COG7: variants seen among roughly 807,000 people sequenced by gnomAD.
COG7 encodes the protein component of oligomeric golgi complex 7.
In COG7, 49 loss-of-function variants were observed where a neutral mutation model predicts 91.5. That is an observed-to-expected ratio of 0.54 (90% CI 0.43 to 0.68). COG7 has a LOEUF of 0.68. Among genes scored for constraint, COG7 ranks in the 30% least tolerant of loss-of-function variants. The pLI is 0.00. For synonymous variants in COG7, 365 were observed against 388.7 expected (o/e 0.94, Z 0.72); for missense variants, 895 against 961.3 (o/e 0.93, Z 0.91).
Position 23,389,032 on chromosome 16 carries a change from T to A in COG7, c.2201A>T (p.Gln734Leu). ...ALGLQPSRTL[Q>L]HIVTLLKTRP... ...GGTCTTCAGTAGCGTCACGATGTGC[T>A]GGAGGGTGCGGGACGGCTGCAGGCC... Residue 734 changes from glutamine (Q) to leucine (L), a missense_variant, in exon 17 of 17, where the codon CAG (glutamine) becomes CTG (leucine). Coordinates refer to ENST00000307149, the MANE Select transcript of COG7 (RefSeq NM_153603.4). 2 of 1,614,122 alleles carry A rather than the reference T, an allele frequency of 1.2e-6. No homozygotes were observed. Among genetic ancestry groups the A allele is most frequent in the Non-Finnish European group, 1.7e-6 (2 of 1,180,018 alleles).
At chr16:23,410,927 A>G (rs532195818) in intron 10 of COG7, among the ~76,000 whole-genome samples, 1 of 152,204 alleles carries the variant, frequency 6.6e-6, no homozygotes, top group South Asian at 2.1e-4. Context: ...GGCTGGTCTC[A>G]AACTCCCGAC....
At position 23,392,610 on chromosome 16, in the gene COG7, A is replaced by G. The variant is rs961689817; in HGVS notation, c.2003-87T>C. On this transcript the variant is annotated intron_variant, in intron 15 of 16. Transcript: ENST00000307149. ...AAGTACCAGGAAGCTTCTGATCTCA[A>G]TGGCAAACACAGGAAACCGAAAACA... 14 of 1,532,326 alleles carry G rather than the reference A, an allele frequency of 9.1e-6. No individual in the cohort carries two copies. The African/African-American group carries it at 1.8e-4, about 19-fold the overall frequency. The allele number at this position is 1,532,326 out of a possible 1,614,324, so 94.9% of individuals were successfully genotyped here.
At chr16:23,410,865 C>T (rs188219524) in intron 10 of COG7, among the ~76,000 whole-genome samples, 1 of 152,234 alleles carries the variant, frequency 6.6e-6, no homozygotes, top group East Asian at 1.9e-4. Context: ...GCCACCACGC[C>T]TGGCTAATTT....
chr16:23,407,542 T>G (rs1356237421), intron 11 of COG7, among the ~76,000 whole-genome samples: 1 of 152,210 alleles, frequency 6.6e-6, no homozygotes, highest in African/African-American at 2.4e-5. Flanking sequence ...GGAGAGGCCT[T>G]AAGGACCCCA....
chr16:23,389,837 A>G (rs923433132), intron 16 of COG7: 2 of 152,188 alleles, frequency 1.3e-5, no homozygotes, highest in Non-Finnish European at 2.9e-5. Context: ...CATTCTACAA[A>G]GCGACCCCGG....
intron 4 of COG7, among the ~76,000 whole-genome samples, chr16:23,440,348 G>A (rs1483622766): frequency 1.3e-5 from 2 of 150,930 alleles, no homozygotes; most frequent in Non-Finnish European, 2.9e-5. Flanking sequence ...ACTCCACCCT[G>A]GGTGACAGAA....
chr16:23,392,148 G>T, intron 16 of COG7: 1 of 1,418,414 alleles, frequency 7.1e-7, no homozygotes, highest in Non-Finnish European at 9.2e-7. Flanking sequence ...CCCCTCAACG[G>T]TTCTCAAGTC....
intron 15 of COG7, 91 bp from the exon 16 acceptor site, chr16:23,392,614 C>T (rs761618614): frequency 4.6e-6 from 7 of 1,510,724 alleles, no homozygotes; most frequent in Non-Finnish European, 6.4e-6. Context: ...ATCTCAATGG[C>T]AAACACAGGA....
chr16:23,447,835 G>A (rs1207775009), intron 1 of COG7, among the ~76,000 whole-genome samples: 2 of 151,928 alleles, frequency 1.3e-5, no homozygotes, highest in African/African-American at 4.8e-5. Context: ...GGGAGGCGGA[G>A]GTTGCAGTGA....
chr16:23,434,247 C>T (rs1469294266), intron 5 of COG7, among the ~76,000 whole-genome samples: 1 of 152,104 alleles, frequency 6.6e-6, no homozygotes, highest in Non-Finnish European at 1.5e-5. Context: ...TGAATAGTCA[C>T]CGCACTCCAG....
intron 10 of COG7, among the ~76,000 whole-genome samples, chr16:23,411,946 T>G (rs1963570470): frequency 6.6e-6 from 1 of 151,206 alleles, no homozygotes; most frequent in Non-Finnish European, 1.5e-5. Context: ...AATGGTGCAG[T>G]CTTGGCTCAC....
chr16:23,404,430 C>T (rs1490102846), intron 12 of COG7, among the ~76,000 whole-genome samples: 3 of 152,214 alleles, frequency 2.0e-5, no homozygotes, highest in Admixed American at 6.5e-5. Flanking sequence ...AACAGAGTTG[C>T]TTTAACCTAA....
Position 23,388,875 on chromosome 16 carries a change from G to C in COG7, c.*45C>G. 1.2e-6 allele frequency: 2 copies of C among 1,612,668 alleles called. No homozygotes were observed. Among genetic ancestry groups the C allele is most frequent in the Non-Finnish European group, 1.7e-6 (2 of 1,179,630 alleles). ...GAGCAAATCTGTGCTGGTGAGTCGC[G>C]AAACAGCAGCCCTGGCTCTCTTGGT... On this transcript the variant is annotated 3_prime_UTR_variant, in exon 17 of 17. Transcript: ENST00000307149.
chr16:23,421,047 G>A (rs571124763), intron 7 of COG7, among the ~76,000 whole-genome samples: 43 of 151,376 alleles, frequency 2.8e-4, no homozygotes, highest in Non-Finnish European at 5.3e-4. Context: ...CCCATGCCTG[G>A]CCCAAAATGC....
chr16:23,398,658 C>A (rs931926404), intron 13 of COG7, among the ~76,000 whole-genome samples: 7 of 152,106 alleles, frequency 4.6e-5, no homozygotes, highest in African/African-American at 1.7e-4. Flanking sequence ...CAAGCCTCAT[C>A]GGCAATACTG....
At position 23,433,563 on chromosome 16, in the gene COG7, T is replaced by A. The variant is rs746479075; in HGVS notation, c.792A>T (p.Gln264His). The A allele has an allele frequency of 1.1e-5, 17 of 1,614,000 alleles. No individual in the cohort carries two copies. In the South Asian group the frequency reaches 1.8e-4, roughly 17 times the overall value. Residue 264 changes from glutamine (Q) to histidine (H), a missense_variant, in exon 6 of 17, where the codon CAA (glutamine) becomes CAT (histidine). Coordinates refer to ENST00000307149, the MANE Select transcript of COG7 (RefSeq NM_153603.4). ...CTGTTACCTGTGTAGCCCACTGGAT[T>A]TGTGTGTGCCAAGCACCAAGCAAGG... is the stretch of plus-strand genomic sequence containing the variant. ...YDALLGAWHT[Q>H]IQWATQVFQK...
chr16:23,427,746 C>G (rs1000531011), intron 6 of COG7, among the ~76,000 whole-genome samples: 1 of 152,172 alleles, frequency 6.6e-6, no homozygotes, highest in Non-Finnish European at 1.5e-5. Flanking sequence ...GTTACCAGGT[C>G]CTAACAACTG....
chr16:23,422,849 C>T (rs1376510332), intron 7 of COG7, among the ~76,000 whole-genome samples: 2 of 151,902 alleles, frequency 1.3e-5, no homozygotes, highest in East Asian at 3.9e-4. Context: ...TTGAGACCAG[C>T]CTGGCCAACA....
At chr16:23,418,132 G>T (rs902779507) in intron 8 of COG7, among the ~76,000 whole-genome samples, 1 of 152,186 alleles carries the variant, frequency 6.6e-6, no homozygotes, top group African/African-American at 2.4e-5. Flanking sequence ...TAAGAAATTA[G>T]TAAACCAGGG....
Sources: gnomAD v4.1 joint callset for allele counts (sites outside exome capture counted in the v4.1 genomes callset) on GRCh38, gnomAD v4.1.1 for gene constraint, MANE v1.5 for transcripts, NCBI Gene and HGNC (gene_info 2026-07-23, HGNC 2026-07-21) for gene names.